Variants in AADACL4 observed in about 807,000 individuals in gnomAD.
AADACL4 encodes the protein arylacetamide deacetylase like 4.
Under a neutral mutation model 14.1 loss-of-function variants are expected in AADACL4, and 9 were observed. The observed-to-expected ratio is 0.64, with a 90% CI of 0.39 to 1.12. The LOEUF (loss-of-function observed/expected upper bound fraction) is 1.12. AADACL4 is among the 50% of genes most tolerant of loss of function. The pLI is 0.01. For synonymous variants in AADACL4, 188 were observed against 201.6 expected (o/e 0.93, Z 0.57); for missense variants, 531 against 516.1 (o/e 1.03, Z -0.28).
intron 2 of AADACL4, among the ~76,000 whole-genome samples, chr1:12,652,677 T>A (rs1049294829): frequency 1.3e-5 from 2 of 152,234 alleles, no homozygotes; most frequent in Non-Finnish European, 2.9e-5. Flanking sequence ...GGACTATTCA[T>A]GAAAATTCTT....
At chr1:12,647,253 C>A (rs1023637771) in intron 1 of AADACL4, among the ~76,000 whole-genome samples, 3 of 152,066 alleles carry the variant, frequency 2.0e-5, no homozygotes, top group Admixed American at 1.3e-4. Flanking sequence ...ACCTTCACAT[C>A]ACGCCTGGCT....
rs1308810242 is a variant in AADACL4 at position 12,644,137 on chromosome 1, A to T, written c.-410A>T. On this transcript the variant is annotated 5_prime_UTR_variant, in exon 1 of 4. Coordinates refer to ENST00000376221, the MANE Select transcript of AADACL4 (RefSeq NM_001013630.2). ...GACGTGCTGTGCTCACCCTAACCAC[A>T]CTCTGACAAGGAAAGCTGGCGAAGT... Among the ~76,000 whole-genome samples, 13 of 152,058 alleles carry T rather than the reference A, an allele frequency of 8.5e-5. No homozygotes were observed.
At position 12,667,072 on chromosome 1, in the gene AADACL4, C is replaced by G. The variant is rs923781055; in HGVS notation, c.*337C>G. ...ATCTGTGCAGAATAAATGCCAACAA[C>G]TGGTCATACCGTCAGTGGTGAATTT... is the stretch of plus-strand genomic sequence containing the variant. On this transcript the variant is annotated 3_prime_UTR_variant, in exon 4 of 4. Coordinates refer to ENST00000376221, the MANE Select transcript of AADACL4 (RefSeq NM_001013630.2). The G allele has an allele frequency of 2.4e-6, 1 of 411,396 alleles. No individual in the cohort carries two copies. The allele number at this position is 411,396 out of a possible 1,614,324, so 25.5% of individuals were successfully genotyped here. A position where few individuals can be genotyped will look rare whatever the true frequency, so the allele number is the denominator to read the frequency against.
chr1:12,659,300 G>C (rs1051606752), intron 2 of AADACL4, among the ~76,000 whole-genome samples: 1 of 152,166 alleles, frequency 6.6e-6, no homozygotes, highest in African/African-American at 2.4e-5. Context: ...GATAACACAG[G>C]TGGCATGGAG....
intron 1 of AADACL4, 30 bp from the exon 2 acceptor site, chr1:12,651,093 C>A: frequency 6.3e-7 from 1 of 1,594,344 alleles, no homozygotes; most frequent in Non-Finnish European, 8.6e-7. Flanking sequence ...CCTCTCCTAA[C>A]GTCTGGCTTT....
chr1:12,659,083 AT>A (rs759218058), intron 2 of AADACL4, among the ~76,000 whole-genome samples: 4 of 152,244 alleles, frequency 2.6e-5, no homozygotes, highest in Admixed American at 2.6e-4. Flanking sequence ...GCATGGACAC[AT>A]ACGAGAAAAA....
intron 2 of AADACL4, among the ~76,000 whole-genome samples, chr1:12,652,116 C>T (rs745976932): frequency 5.3e-5 from 8 of 152,098 alleles, no homozygotes; most frequent in Non-Finnish European, 1.2e-4. Flanking sequence ...AGCCACCACG[C>T]CCAGCCTTCC....
In AADACL4 at chr1:12,666,427, C is replaced by G. The variant is rs1647333120; in HGVS notation, c.916C>G (p.Pro306Ala). 1 of 1,614,176 alleles carries G rather than the reference C, an allele frequency of 6.2e-7. No individual in the cohort carries two copies. ...AGGCTACCAACCCTGGTCTCCCGGCCCTTTTAATGAAGCTGCCTATCTAGA... is the reference window on the plus strand; with the variant it reads ...AGGCTACCAACCCTGGTCTCCCGGCGCTTTTAATGAAGCTGCCTATCTAGA... ...NRGYQPWSPG[P>A]FNEAAYLEAK... Residue 306 changes from proline (P) to alanine (A), a missense_variant, in exon 4 of 4, where the codon CCT becomes GCT. Transcript: ENST00000376221.
intron 1 of AADACL4, among the ~76,000 whole-genome samples, chr1:12,650,495 G>A (rs1439110636): frequency 2.6e-5 from 4 of 151,646 alleles, no homozygotes; most frequent in African/African-American, 9.7e-5. Flanking sequence ...TATAGAGAGG[G>A]AAGTTGCTGG....
Position 12,666,789 on chromosome 1 carries a change from C to T in AADACL4, c.*54C>T, listed in dbSNP as rs1258888214. The T allele has an allele frequency of 3.3e-6, 5 of 1,507,646 alleles. No homozygotes were observed. Among genetic ancestry groups the T allele is most frequent in the African/African-American group, 1.4e-5 (1 of 71,734 alleles). The allele number at this position is 1,507,646 out of a possible 1,614,324, so 93.4% of individuals were successfully genotyped here. A position where few individuals can be genotyped will look rare whatever the true frequency, so the allele number is the denominator to read the frequency against. The stretch of plus-strand genomic sequence containing the variant: ...GGGCAAGTATGGACTCTACCAGAAA[C>T]CGGGTGCTTTAGTGAGTTCTATTTT... On this transcript the variant is annotated 3_prime_UTR_variant, in exon 4 of 4. Transcript: ENST00000376221.
At chr1:12,658,071 T>C (rs1460449237) in intron 2 of AADACL4, among the ~76,000 whole-genome samples, 1 of 114,528 alleles carries the variant, frequency 8.7e-6, no homozygotes, top group African/African-American at 5.9e-5. Flanking sequence ...CTTTTTCTCT[T>C]TCTTTCTTTC....
intron 2 of AADACL4, among the ~76,000 whole-genome samples, chr1:12,654,024 C>T (rs1214041630): frequency 6.6e-6 from 1 of 152,182 alleles, no homozygotes; most frequent in East Asian, 1.9e-4. Context: ...GAGGCAGTAC[C>T]ATCCAGGTGT....
intron 1 of AADACL4, 100 bp downstream of exon 1, chr1:12,644,814 C>G (rs1378753507): frequency 7.8e-7 from 1 of 1,286,148 alleles, no homozygotes; most frequent in African/African-American, 1.5e-5. Context: ...CTGTCTCTCT[C>G]TCTTCGGACT....
intron 2 of AADACL4, among the ~76,000 whole-genome samples, chr1:12,659,134 C>A (rs1207910131): frequency 6.6e-6 from 1 of 152,192 alleles, no homozygotes; most frequent in African/African-American, 2.4e-5. Context: ...CGGTACATAA[C>A]TTCCCCGAGA....
intron 2 of AADACL4, 51 bp from the exon 3 acceptor site, chr1:12,661,740 T>C: frequency 6.4e-7 from 1 of 1,562,916 alleles, no homozygotes; most frequent in African/African-American, 1.4e-5. Flanking sequence ...TGTGGTGAGA[T>C]GGTTTGGGTC....
chr1:12,666,582 G>C lies in AADACL4; in HGVS notation c.1071G>C (p.Lys357Asn). Residue 357 changes from lysine (K) to asparagine (N), a missense_variant, in exon 4 of 4, where the codon AAG becomes AAC. Lys to Asn is a moderately conservative substitution (Grantham distance 94). Coordinates refer to ENST00000376221, the MANE Select transcript of AADACL4 (RefSeq NM_001013630.2). ...TCCGTGATGACAGCTTGCTCTATAAGAAGCGCTTGGAGGACCAGGGGGTCC... is the reference window on the plus strand; with the variant it reads ...TCCGTGATGACAGCTTGCTCTATAACAAGCGCTTGGAGGACCAGGGGGTCC... ...DILRDDSLLY[K>N]KRLEDQGVRV... The C allele has an allele frequency of 6.2e-7, 1 of 1,614,200 alleles. No individual in the cohort carries two copies. Among genetic ancestry groups the C allele is most frequent in the South Asian group, 1.1e-5 (1 of 91,082 alleles).
intron 1 of AADACL4, among the ~76,000 whole-genome samples, chr1:12,647,951 C>T (rs1221551375): frequency 2.0e-5 from 3 of 151,728 alleles, no homozygotes; most frequent in Admixed American, 1.3e-4. Context: ...AGCCACTGTG[C>T]CCAGCCACTA....
intron 1 of AADACL4, 103 bp downstream of exon 1, chr1:12,644,817 T>C: frequency 7.8e-7 from 1 of 1,279,654 alleles, no homozygotes. Context: ...TCTCTCTCTC[T>C]TCGGACTCCC....
chr1:12,645,117 TCTCCCTCCCTCCTTCCTTC>T (rs1397312401), intron 1 of AADACL4, among the ~76,000 whole-genome samples: 1 of 138,834 alleles, frequency 7.2e-6, no homozygotes, highest in Non-Finnish European at 1.6e-5. Context: ...TCTTTCTTTC[TCTCCCTCCCTCCTTCCTTC>T]CTCCTTCCCT....
Sources: allele counts gnomAD v4.1 joint callset (sites outside exome capture counted in the v4.1 genomes callset), GRCh38; gene constraint gnomAD v4.1.1; transcripts MANE v1.5; gene names NCBI Gene and HGNC (gene_info 2026-07-23, HGNC 2026-07-21).